The following PUM3 variants were observed in gnomAD, a reference collection of about 807,000 sequenced individuals.
The protein encoded by PUM3 is pumilio RNA binding family member 3.
A neutral mutation model predicts 84.0 loss-of-function variants in PUM3; 91 were observed. The ratio of observed to expected loss-of-function variants is 1.08; its 90% CI spans 0.91 to 1.29. The LOEUF (loss-of-function observed/expected upper bound fraction) is 1.29. Among genes scored for constraint, PUM3 ranks in the 50% most tolerant of loss-of-function variants. The pLI, the probability that PUM3 is intolerant of heterozygous loss-of-function variation, is 0.00. For missense variants in PUM3, 1,067 were observed against 767.5 expected (o/e 1.39, Z -4.61); for synonymous variants, 321 against 266.7 (o/e 1.20, Z -1.98).
At chr9:2,840,921 T>C (rs898468579) in intron 1 of PUM3, among the ~76,000 whole-genome samples, 1 of 152,270 alleles carries the variant, frequency 6.6e-6, no homozygotes, top group African/African-American at 2.4e-5. Context: ...GAGGTGTCCC[T>C]GTTTCTATGT....
At chr9:2,841,195 A>C (rs543203272) in intron 1 of PUM3, among the ~76,000 whole-genome samples, 39 of 152,300 alleles carry the variant, frequency 2.6e-4, no homozygotes, top group African/African-American at 8.4e-4. Flanking sequence ...ATAGTTTCAG[A>C]ATTGCTAACC....
chr9:2,804,351 G>C lies in PUM3; in HGVS notation c.1927C>G (p.Leu643Val). 1 of 1,613,550 alleles carries C rather than the reference G, an allele frequency of 6.2e-7. No individual in the cohort carries two copies. The highest frequency in any genetic ancestry group is 1.7e-4 in the Middle Eastern group (1 of 6,032). Residue 643 changes from leucine (L) to valine (V), a missense_variant, in exon 18 of 18, where the codon CTT becomes GTT. By Grantham distance (32) the Leu-to-Val change is conservative (BLOSUM62 1). Transcript: ENST00000397885. Reference sequence around the variant, plus strand: ...TCCACCTATGTGCTCAGTTTTTCAAGTAGAATTTCTATTCCTTTGCTGGTG... The same window carrying C: ...TCCACCTATGTGCTCAGTTTTTCAACTAGAATTTCTATTCCTTTGCTGGTG... ...KSTSKGIEIL[L>V]EKLST
chr9:2,841,731 G>C (rs1586730712), intron 1 of PUM3, among the ~76,000 whole-genome samples: 1 of 147,004 alleles, frequency 6.8e-6, no homozygotes, highest in South Asian at 2.1e-4. Flanking sequence ...AAAAAAAAAA[G>C]GTTCTTAGAT....
chr9:2,811,332 T>C, intron 15 of PUM3, 29 bp downstream of exon 15: 2 of 1,607,592 alleles, frequency 1.2e-6, no homozygotes, highest in Non-Finnish European at 1.7e-6. Context: ...CTTTGCAGCT[T>C]TCCTGCCTGT....
intron 5 of PUM3, among the ~76,000 whole-genome samples, chr9:2,832,197 T>C (rs1173122010): frequency 6.6e-6 from 1 of 152,200 alleles, no homozygotes; most frequent in Non-Finnish European, 1.5e-5. Flanking sequence ...AAAATAAGGC[T>C]GTTTTTGTGC....
intron 13 of PUM3, among the ~76,000 whole-genome samples, chr9:2,819,319 G>T (rs534092801): frequency 6.6e-6 from 1 of 152,334 alleles, no homozygotes; most frequent in African/African-American, 2.4e-5. Flanking sequence ...CTTCCCCTAA[G>T]AGGACAATTG....
Position 2,824,744 on chromosome 9 carries a change from C to A in PUM3, c.1107G>T (p.Met369Ile). The A allele has an allele frequency of 6.3e-7, 1 of 1,582,062 alleles. No individual in the cohort carries two copies. Among genetic ancestry groups the A allele is most frequent in the Non-Finnish European group, 8.6e-7 (1 of 1,159,450 alleles). The stretch of plus-strand genomic sequence containing the variant: ...TGGGCGTGCCATGCCACAGGCAGTG[C>A]ATGGCCACTCTGGCGCCATCGTGTG... ...AHTHDGARVAMHCLWHGTPKD... is the reference protein window; with the variant it reads ...AHTHDGARVAIHCLWHGTPKD... The change falls in exon 11 of 18, where the codon ATG (methionine) becomes ATT (isoleucine). Residue 369 changes from methionine (M) to isoleucine (I), a missense_variant. Transcript: ENST00000397885.
chr9:2,842,325 C>T (rs371509432), intron 1 of PUM3, among the ~76,000 whole-genome samples: 2 of 152,154 alleles, frequency 1.3e-5, no homozygotes, highest in African/African-American at 2.4e-5. Context: ...TCCAGTAGCA[C>T]ACCTATTTCA....
intron 9 of PUM3, among the ~76,000 whole-genome samples, chr9:2,827,619 C>T (rs191258251): frequency 9.2e-5 from 14 of 152,302 alleles, no homozygotes; most frequent in Admixed American, 2.0e-4. Flanking sequence ...ATTGCAACAA[C>T]ACCTACTTAA....
At chr9:2,813,410 C>G (rs557800309) in intron 13 of PUM3, among the ~76,000 whole-genome samples, 47 of 152,240 alleles carry the variant, frequency 3.1e-4, no homozygotes, top group African/African-American at 1.1e-3. Context: ...GTTTGAGCAC[C>G]CCATATTCTT....
intron 3 of PUM3, among the ~76,000 whole-genome samples, chr9:2,836,017 A>G (rs1191342821): frequency 6.6e-6 from 1 of 152,168 alleles, no homozygotes; most frequent in Non-Finnish European, 1.5e-5. Flanking sequence ...GCTGGAAGAG[A>G]AACTTCTGGC....
intron 11 of PUM3, 116 bp from the exon 12 acceptor site, chr9:2,823,950 T>C: frequency 1.8e-6 from 1 of 543,234 alleles, no homozygotes. Context: ...TATGTTTTCA[T>C]TAGTAAAAAT....
At chr9:2,816,734 A>C (rs1821477473) in intron 13 of PUM3, among the ~76,000 whole-genome samples, 1 of 152,156 alleles carries the variant, frequency 6.6e-6, no homozygotes, top group Non-Finnish European at 1.5e-5. Flanking sequence ...GCCCTGGGTG[A>C]GATCATGATT....
chr9:2,835,375 G>C (rs1429803877), intron 3 of PUM3, among the ~76,000 whole-genome samples: 1 of 152,068 alleles, frequency 6.6e-6, no homozygotes, highest in Non-Finnish European at 1.5e-5. Flanking sequence ...CCATCATCAC[G>C]CCATTGCACT....
At chr9:2,820,413 C>G (rs1016738265) in intron 12 of PUM3, among the ~76,000 whole-genome samples, 16 of 151,948 alleles carry the variant, frequency 1.1e-4, no homozygotes, top group Non-Finnish European at 2.2e-4. Context: ...TGAATAGCTA[C>G]TTGAAAATTA....
chr9:2,804,544 TTTG>T (rs977682909), intron 17 of PUM3, 81 bp from the exon 18 acceptor site: 2 of 1,323,844 alleles, frequency 1.5e-6, no homozygotes, highest in Non-Finnish European at 1.0e-6. Flanking sequence ...TAAAAAAGAC[TTTG>T]TTAACTGTGA....
intron 1 of PUM3, among the ~76,000 whole-genome samples, chr9:2,842,934 A>G (rs991623646): frequency 1.3e-5 from 2 of 152,130 alleles, no homozygotes; most frequent in Non-Finnish European, 2.9e-5. Flanking sequence ...AATCTGAGTT[A>G]CCCTTGACAT....
intron 10 of PUM3, among the ~76,000 whole-genome samples, chr9:2,825,606 C>G (rs1815795219): frequency 3.3e-5 from 5 of 152,058 alleles, no homozygotes; most frequent in Non-Finnish European, 7.4e-5. Context: ...CCTCAGCCTC[C>G]CGAGTAGCTG....
intron 1 of PUM3, among the ~76,000 whole-genome samples, chr9:2,841,958 G>C (rs1191932300): frequency 6.6e-6 from 1 of 152,126 alleles, no homozygotes; most frequent in Admixed American, 6.6e-5. Flanking sequence ...GAAAAGTCCT[G>C]TCACTCTAAA....
Sources: allele counts gnomAD v4.1 joint callset (sites outside exome capture counted in the v4.1 genomes callset), GRCh38; gene constraint gnomAD v4.1.1; transcripts MANE v1.5; gene names NCBI Gene and HGNC (gene_info 2026-07-23, HGNC 2026-07-21).